The following P4HA3 variants were observed in gnomAD, a reference collection of about 807,000 sequenced individuals.
P4HA3 encodes prolyl 4-hydroxylase subunit alpha-3.
Under a neutral mutation model 66.7 loss-of-function variants are expected in P4HA3, and 60 were observed. That is an observed-to-expected ratio of 0.90 (90% confidence interval 0.73 to 1.12). The LOEUF (loss-of-function observed/expected upper bound fraction) is 1.12. Among genes scored for constraint, P4HA3 ranks in the 50% most tolerant of loss-of-function variants. The pLI is 0.00. For missense variants in P4HA3, 683 were observed against 685.8 expected, an observed-to-expected ratio of 1.00 and a Z score of 0.05; for synonymous variants, 263 against 274.6, an observed-to-expected ratio of 0.96 and a Z score of 0.42.
At chr11:74,309,935 C>T (rs1263549363) in intron 1 of P4HA3, among the ~76,000 whole-genome samples, 3 of 152,152 alleles carry the variant, frequency 2.0e-5, no homozygotes, top group African/African-American at 4.8e-5. Context: ...CACAAAGTTT[C>T]GCACAGGGTG....
chr11:74,277,210 A>C, intron 8 of P4HA3, 66 bp from the exon 9 acceptor site: 1 of 1,519,958 alleles, frequency 6.6e-7, no homozygotes, highest in South Asian at 1.2e-5. Flanking sequence ...GACGTCTCTG[A>C]ATGAATGAAT....
chr11:74,306,099 AAGGAGACTCTG>A (rs1861573292), intron 1 of P4HA3, among the ~76,000 whole-genome samples: 1 of 152,088 alleles, frequency 6.6e-6, no homozygotes, highest in African/African-American at 2.4e-5. Flanking sequence ...AGCACAAGAC[AAGGAGACTCTG>A]AACCACGACA....
intron 10 of P4HA3, among the ~76,000 whole-genome samples, chr11:74,273,102 T>C (rs942109500): frequency 1.3e-5 from 2 of 152,214 alleles, no homozygotes; most frequent in Admixed American, 1.3e-4. Context: ...GTCTCTGTTC[T>C]TCCCTCTTGT....
At chr11:74,251,270 C>G in intron 15 of P4HA3, 1 of 1,369,134 alleles carries the variant, frequency 7.3e-7, no homozygotes, top group Non-Finnish European at 9.4e-7. Flanking sequence ...ATCTTAAGCT[C>G]TACTTCTCCA....
At chr11:74,255,729 C>G (rs1859816734) in intron 15 of P4HA3, among the ~76,000 whole-genome samples, 1 of 152,228 alleles carries the variant, frequency 6.6e-6, no homozygotes, top group African/African-American at 2.4e-5. Flanking sequence ...GCATCAGTAT[C>G]TCTTGGAAGC....
chr11:74,276,532 A>G (rs1244293786), intron 9 of P4HA3, among the ~76,000 whole-genome samples: 1 of 152,244 alleles, frequency 6.6e-6, no homozygotes, highest in Non-Finnish European at 1.5e-5. Flanking sequence ...AGCCTGGGCA[A>G]CAGAGCAAGA....
At chr11:74,256,943 C>T (rs1859840634) in intron 15 of P4HA3, among the ~76,000 whole-genome samples, 1 of 152,156 alleles carries the variant, frequency 6.6e-6, no homozygotes, top group South Asian at 2.1e-4. Context: ...CAAACCCGAG[C>T]ACCCAATATG....
chr11:74,281,818 T>C (rs1860609072), intron 7 of P4HA3, among the ~76,000 whole-genome samples: 1 of 151,528 alleles, frequency 6.6e-6, no homozygotes, highest in East Asian at 1.9e-4. Flanking sequence ...GGCACATGTA[T>C]ACGTATGTAA....
chr11:74,280,089 G>T (rs1860538473), intron 7 of P4HA3, among the ~76,000 whole-genome samples: 1 of 152,164 alleles, frequency 6.6e-6, no homozygotes, highest in East Asian at 1.9e-4. Context: ...CAACAGTTTT[G>T]ATAACACTAG....
chr11:74,306,593 G>A (rs991104447), intron 1 of P4HA3, among the ~76,000 whole-genome samples: 2 of 152,214 alleles, frequency 1.3e-5, no homozygotes, highest in African/African-American at 2.4e-5. Context: ...CCTTTGGCAA[G>A]AGTGGGCGAC....
intron 11 of P4HA3, among the ~76,000 whole-genome samples, chr11:74,269,049 A>G (rs1860096389): frequency 1.3e-5 from 2 of 152,174 alleles, no homozygotes; most frequent in African/African-American, 4.8e-5. Flanking sequence ...GCACTGTACT[A>G]CCTGCTTTAC....
intron 4 of P4HA3, among the ~76,000 whole-genome samples, chr11:74,297,741 T>C (rs377522456): frequency 6.6e-6 from 1 of 152,158 alleles, no homozygotes; most frequent in Admixed American, 6.5e-5. Flanking sequence ...CACATTACAG[T>C]TGGACTCAAC....
At chr11:74,256,475 T>G (rs1028499464) in intron 15 of P4HA3, among the ~76,000 whole-genome samples, 7 of 151,998 alleles carry the variant, frequency 4.6e-5, no homozygotes, top group Non-Finnish European at 1.0e-4. Flanking sequence ...ACGGCCAGAG[T>G]GGCAGCATCT....
Position 74,277,076 on chromosome 11 carries a change from C to T in P4HA3, c.1244G>A (p.Gly415Asp). Residue 415 changes from glycine (G) to aspartate (D), a missense_variant, in exon 9 of 13, where the codon GGC (glycine) becomes GAC (aspartate). Physicochemically the swap from Gly to Asp is moderately conservative, Grantham distance 94 (BLOSUM62 -1). Coordinates refer to ENST00000331597, the MANE Select transcript of P4HA3 (RefSeq NM_182904.5). ...TLNHRIAALT[G>D]LDVRPPYAEY... ...TGCATAGGGAGGCCGGACATCAAGG[C>T]CTGTGAGGGCAGCAATGCGGTGGTT... 4.3e-6 allele frequency: 7 copies of T among 1,614,096 alleles called. No homozygotes were observed. The highest frequency in any genetic ancestry group is 2.2e-5 in the East Asian group (1 of 44,878).
Position 74,311,454 on chromosome 11 carries a change from C to T in P4HA3, c.158G>A (p.Arg53Gln). 1 of 1,539,852 alleles carries T rather than the reference C, an allele frequency of 6.5e-7. No homozygotes were observed. ...PERRLLGLLR[R>Q]YLRGEEARLR... ...CCGCGCCTCCTCCCCGCGCAGGTACCGCCTCAGCAGCCCCAGCAGCCGGCG... is the reference window on the plus strand; with the variant it reads ...CCGCGCCTCCTCCCCGCGCAGGTACTGCCTCAGCAGCCCCAGCAGCCGGCG... The change falls in exon 1 of 13, where the codon CGG (arginine) becomes CAG (glutamine). Residue 53 changes from arginine (R) to glutamine (Q), a missense_variant. Coordinates refer to ENST00000331597, the MANE Select transcript of P4HA3 (RefSeq NM_182904.5).
downstream of P4HA3, chr11:74,266,519 T>A (rs777902885): frequency 1.5e-4 from 25 of 165,312 alleles, no homozygotes; most frequent in Non-Finnish European, 2.5e-4. Context: ...TCTGTTATTA[T>A]CCATGGTTTT....
intron 3 of P4HA3, among the ~76,000 whole-genome samples, chr11:74,299,063 A>C (rs1221506944): frequency 6.6e-6 from 1 of 152,256 alleles, no homozygotes; most frequent in Non-Finnish European, 1.5e-5. Context: ...GCTTAAATCA[A>C]GACGGGGCAC....
intron 4 of P4HA3, among the ~76,000 whole-genome samples, chr11:74,296,085 T>C (rs1861202805): frequency 6.6e-6 from 1 of 152,236 alleles, no homozygotes; most frequent in Admixed American, 6.5e-5. Context: ...TATATGTATG[T>C]ATCATGTAAT....
intron 3 of P4HA3, among the ~76,000 whole-genome samples, chr11:74,300,372 T>C (rs1469079763): frequency 6.6e-6 from 1 of 152,242 alleles, no homozygotes; most frequent in African/African-American, 2.4e-5. Flanking sequence ...GGTTTATGCC[T>C]GTAATCCCAG....
Sources: allele counts gnomAD v4.1 joint callset (sites outside exome capture counted in the v4.1 genomes callset), GRCh38; gene constraint gnomAD v4.1.1; transcripts MANE v1.5; gene names NCBI Gene and HGNC (gene_info 2026-07-23, HGNC 2026-07-21).